PXDNL: variants seen among roughly 807,000 people sequenced by gnomAD.
The protein encoded by PXDNL is probable oxidoreductase PXDNL.
Under a neutral mutation model 150.8 loss-of-function variants are expected in PXDNL, and 145 were observed. That is an observed-to-expected ratio of 0.96 (90% CI 0.84 to 1.10). The LOEUF is 1.10. Ranked by LOEUF, PXDNL falls within the 50% of genes least tolerant of loss-of-function variation. PXDNL has a pLI of 0.00. For missense variants in PXDNL, 2,087 were observed against 1,873.9 expected (o/e 1.11, Z -2.10); for synonymous variants, 757 against 725.7 (o/e 1.04, Z -0.69).
intron 2 of PXDNL, among the ~76,000 whole-genome samples, chr8:51,643,894 C>A (rs943365661): frequency 6.6e-6 from 1 of 152,118 alleles, no homozygotes; most frequent in Admixed American, 6.5e-5. Flanking sequence ...TGAACAGACA[C>A]TTCTCAAAAG....
At chr8:51,801,722 C>G (rs2037623131) in intron 1 of PXDNL, among the ~76,000 whole-genome samples, 1 of 152,238 alleles carries the variant, frequency 6.6e-6, no homozygotes, top group Non-Finnish European at 1.5e-5. Context: ...AGACTTTCTG[C>G]TGCACCTTCA....
chr8:51,621,208 T>A (rs1322361767), intron 2 of PXDNL, among the ~76,000 whole-genome samples: 1 of 152,194 alleles, frequency 6.6e-6, no homozygotes, highest in African/African-American at 2.4e-5. Flanking sequence ...TACACATATC[T>A]ACACATCATA....
intron 21 of PXDNL, among the ~76,000 whole-genome samples, chr8:51,331,568 G>T (rs886611370): frequency 6.6e-6 from 1 of 152,104 alleles, no homozygotes; most frequent in East Asian, 1.9e-4. Flanking sequence ...TAGCTGGGAG[G>T]CAGAAAGCCT....
chr8:51,505,949 T>C (rs1290119462), intron 4 of PXDNL, among the ~76,000 whole-genome samples: 1 of 152,228 alleles, frequency 6.6e-6, no homozygotes, highest in Non-Finnish European at 1.5e-5. Flanking sequence ...CACCAACAAA[T>C]TATTCATACT....
rs891165172 is a variant in PXDNL, at chr8:51,757,833, G to A, written c.164+51348C>T. 5.3e-5 allele frequency among the ~76,000 whole-genome samples: 8 copies of A among 151,928 alleles called. No homozygotes were observed. In the East Asian group the frequency reaches 9.6e-4, roughly 18 times the overall value. Reference sequence around the variant, plus strand: ...TCTTTGGTTTTTTTCTGCTGCTTCCGCCCCTTTTCTGAGCTCTATTTTTGT... The same window carrying A: ...TCTTTGGTTTTTTTCTGCTGCTTCCACCCCTTTTCTGAGCTCTATTTTTGT... On this transcript the variant is annotated intron_variant, in intron 1 of 22. Transcript: ENST00000356297.
intron 1 of PXDNL, among the ~76,000 whole-genome samples, chr8:51,704,407 AAG>A (rs1273148469): frequency 1.3e-5 from 2 of 152,234 alleles, no homozygotes; most frequent in Non-Finnish European, 2.9e-5. Context: ...TTGGGTTGCT[AAG>A]AGTTACTTGC....
At chr8:51,798,154 C>T (rs2037582499) in intron 1 of PXDNL, among the ~76,000 whole-genome samples, 1 of 151,720 alleles carries the variant, frequency 6.6e-6, no homozygotes, top group Admixed American at 6.6e-5. Flanking sequence ...ACTCATTATA[C>T]AAAAATTATA....
chr8:51,446,905 T>C, intron 12 of PXDNL, 99 bp downstream of exon 12: 1 of 916,354 alleles, frequency 1.1e-6, no homozygotes, highest in Non-Finnish European at 1.7e-6. Context: ...TATATATATA[T>C]ATATAGTCAT....
chr8:51,714,906 T>C (rs1424095685), intron 1 of PXDNL, among the ~76,000 whole-genome samples: 3 of 152,226 alleles, frequency 2.0e-5, no homozygotes, highest in Non-Finnish European at 4.4e-5. Context: ...TTCTTCCTTC[T>C]ACCAAAGAAT....
chr8:51,426,459 CAGATAGAGTCACTTAAAAAAAAAAA>C (rs993931534), intron 13 of PXDNL, among the ~76,000 whole-genome samples, 162 bp downstream of exon 13: 4 of 150,990 alleles, frequency 2.6e-5, no homozygotes, highest in Non-Finnish European at 5.9e-5. Context: ...GAACCAAAAT[CAGATAGAGTCACTTAAAAAAAAAAA>C]AGAAGAAACA....
chr8:51,371,688 C>T (rs1307722041), intron 19 of PXDNL, among the ~76,000 whole-genome samples, 185 bp downstream of exon 19: 1 of 152,202 alleles, frequency 6.6e-6, no homozygotes, highest in African/African-American at 2.4e-5. Context: ...AGAGGATGGG[C>T]AGGTTGGGAG....
Position 51,413,300 on chromosome 8 carries a change from T to C in PXDNL, c.1796-42A>G, listed in dbSNP as rs144961105. 4.5e-4 allele frequency: 554 copies of C among 1,232,018 alleles called. 4 individuals are homozygous for C. In the African/African-American group the frequency reaches 6.7e-3, roughly 15 times the overall value. 76.3% of individuals were successfully genotyped at this position (1,232,018 alleles called of 1,614,324 possible). On this transcript the variant is annotated intron_variant, in intron 14 of 22. Transcript: ENST00000356297. Reference sequence around the variant, plus strand: ...CATGATTAAAAATATCAAACAGACCTTGAAGTTAGGCATGATATTATATGA... The same window carrying C: ...CATGATTAAAAATATCAAACAGACCCTGAAGTTAGGCATGATATTATATGA...
At chr8:51,641,546 G>A (rs982902566) in intron 2 of PXDNL, among the ~76,000 whole-genome samples, 1 of 151,932 alleles carries the variant, frequency 6.6e-6, no homozygotes, top group Non-Finnish European at 1.5e-5. Context: ...GTGGGCGAAG[G>A]ACATGAACAG....
In PXDNL at chr8:51,327,089, G is replaced by A. The variant is rs547915346; in HGVS notation, c.4147-6192C>T. On this transcript the variant is annotated intron_variant, in intron 21 of 22. Transcript: ENST00000356297. ...GCCTATCTCCTTCTGCAACAGGAAGGTATACTCCATTTAGAGATGCTCCTT... is the reference window on the plus strand; with the variant it reads ...GCCTATCTCCTTCTGCAACAGGAAGATATACTCCATTTAGAGATGCTCCTT... Among the ~76,000 whole-genome samples the A allele has an allele frequency of 9.9e-5, 15 of 152,264 alleles. 1 individual carries two copies. Among genetic ancestry groups the A allele is most frequent in the African/African-American group, 3.6e-4 (15 of 41,554 alleles).
At chr8:51,553,970 G>A (rs879881638) in intron 4 of PXDNL, among the ~76,000 whole-genome samples, 4 of 151,846 alleles carry the variant, frequency 2.6e-5, no homozygotes, top group Admixed American at 6.6e-5. Context: ...AAGATGAATC[G>A]AAGTATGTTA....
intron 14 of PXDNL, among the ~76,000 whole-genome samples, chr8:51,421,457 T>C (rs895786934): frequency 1.3e-5 from 2 of 152,168 alleles, no homozygotes; most frequent in African/African-American, 4.8e-5. Flanking sequence ...CCCAGCACTT[T>C]GGGAGGCTAA....
chr8:51,380,622 T>C (rs1807501662), intron 17 of PXDNL, among the ~76,000 whole-genome samples: 1 of 152,252 alleles, frequency 6.6e-6, no homozygotes, highest in Non-Finnish European at 1.5e-5. Flanking sequence ...AAAAGTAATA[T>C]GGCAGTTTTA....
chr8:51,568,332 C>CT lies in PXDNL; in HGVS notation c.309-11422dup, dbSNP rs1262679758. Among the ~76,000 whole-genome samples the CT allele has an allele frequency of 2.6e-5, 4 of 151,832 alleles. No individual in the cohort carries two copies. In the East Asian group the frequency reaches 5.8e-4, roughly 22 times the overall value. ...ACAAATTTCCTCAATTCTTATTTGTCTAAGAAAGTCATTGTTTCCTCTTCA... is the reference window on the plus strand; with the variant it reads ...ACAAATTTCCTCAATTCTTATTTGTCTTAAGAAAGTCATTGTTTCCTCTTCA... On this transcript the variant is annotated intron_variant, in intron 3 of 22. Transcript: ENST00000356297.
At chr8:51,766,789 G>A (rs2037236608) in intron 1 of PXDNL, among the ~76,000 whole-genome samples, 1 of 152,040 alleles carries the variant, frequency 6.6e-6, no homozygotes, top group Non-Finnish European at 1.5e-5. Flanking sequence ...TCTTTCTAGG[G>A]ATGGATCGCT....
Sources: gnomAD v4.1 joint callset for allele counts (sites outside exome capture counted in the v4.1 genomes callset) on GRCh38, gnomAD v4.1.1 for gene constraint, MANE v1.5 for transcripts, NCBI Gene and HGNC (gene_info 2026-07-23, HGNC 2026-07-21) for gene names.